Variants in GPM6A observed in about 807,000 individuals in gnomAD.
GPM6A encodes neuronal membrane glycoprotein M6-a.
A neutral mutation model predicts 32.1 loss-of-function variants in GPM6A; 7 were observed. That is an observed-to-expected ratio of 0.22 (90% CI 0.12 to 0.41). The LOEUF is 0.41. GPM6A is among the 10% of genes least tolerant of loss of function. The pLI, the probability that GPM6A is intolerant of heterozygous loss-of-function variation, is 1.00. For synonymous variants in GPM6A, 130 were observed against 123.4 expected, an observed-to-expected ratio of 1.05 and a Z score of -0.35; for missense variants, 235 against 347.2, an observed-to-expected ratio of 0.68 and a Z score of 2.57.
At chr4:175,782,377 AAG>A (rs1476189832) in intron 1 of GPM6A, among the ~76,000 whole-genome samples, 1 of 152,086 alleles carries the variant, frequency 6.6e-6, no homozygotes, top group Non-Finnish European at 1.5e-5. Flanking sequence ...TCCTACAAAA[AAG>A]TCACCCTTAT....
intron 1 of GPM6A, among the ~76,000 whole-genome samples, chr4:175,759,469 T>C (rs145531960): frequency 6.6e-6 from 1 of 152,352 alleles, no homozygotes; most frequent in East Asian, 1.9e-4. Flanking sequence ...ATTTTTGTTA[T>C]GAATTTCAAG....
chr4:175,815,406 A>G (rs1328813222), upstream of GPM6A, among the ~76,000 whole-genome samples: 1 of 152,168 alleles, frequency 6.6e-6, no homozygotes, highest in Non-Finnish European at 1.5e-5. Flanking sequence ...AGTATCTTAA[A>G]CTAGTTAGAA....
rs905595031 is a variant in GPM6A, at chr4:175,882,754, A to G, written c.-22-70505T>C. 2.6e-5 allele frequency among the ~76,000 whole-genome samples: 4 copies of G among 152,126 alleles called. No homozygotes were observed. In the East Asian group the frequency reaches 5.8e-4, roughly 22 times the overall value. ...CAGGTGGTAAGAAAATAAATCTTTCAAACAAAAATATTTTGATAAAAGGTG... is the reference window on the plus strand; with the variant it reads ...CAGGTGGTAAGAAAATAAATCTTTCGAACAAAAATATTTTGATAAAAGGTG... On this transcript the variant is annotated intron_variant, in intron 1 of 7. Coordinates refer to the GPM6A transcript ENST00000280187.
intron 1 of GPM6A, among the ~76,000 whole-genome samples, chr4:175,854,662 G>A (rs1356009853): frequency 6.6e-6 from 1 of 152,172 alleles, no homozygotes; most frequent in African/African-American, 2.4e-5. Context: ...AAAAACCCAG[G>A]CAGAGTGCTG....
At chr4:175,842,783 A>G (rs1255500803) in intron 1 of GPM6A, among the ~76,000 whole-genome samples, 1 of 152,054 alleles carries the variant, frequency 6.6e-6, no homozygotes. Context: ...GATGCTATAT[A>G]CCACAGTTAA....
At chr4:175,649,488 A>G (rs922181737) in intron 4 of GPM6A, among the ~76,000 whole-genome samples, 6 of 152,190 alleles carry the variant, frequency 3.9e-5, no homozygotes, top group Non-Finnish European at 7.3e-5. Context: ...GAGTCTCCCA[A>G]TGTTTTTTCA....
intron 1 of GPM6A, among the ~76,000 whole-genome samples, chr4:175,991,351 C>G (rs1741136614): frequency 6.6e-6 from 1 of 151,630 alleles, no homozygotes; most frequent in South Asian, 2.1e-4. Flanking sequence ...ACTTGGATTA[C>G]AGGCATAGCC....
At chr4:175,882,617 C>T in intron 1 of GPM6A, among the ~76,000 whole-genome samples, 1 of 151,858 alleles carries the variant, frequency 6.6e-6, no homozygotes. Context: ...TTTTACCTTA[C>T]TTTAGTTTTT....
At chr4:175,676,303 G>T (rs1053663060) in intron 2 of GPM6A, among the ~76,000 whole-genome samples, 4 of 152,130 alleles carry the variant, frequency 2.6e-5, no homozygotes, top group Non-Finnish European at 5.9e-5. Flanking sequence ...GCCTCCTACA[G>T]TGCTAGGATT....
At chr4:175,679,988 G>A (rs888992464) in intron 2 of GPM6A, among the ~76,000 whole-genome samples, 3 of 152,056 alleles carry the variant, frequency 2.0e-5, no homozygotes, top group Non-Finnish European at 4.4e-5. Flanking sequence ...AATGGTATTC[G>A]GGACCAAGAT....
intron 1 of GPM6A, among the ~76,000 whole-genome samples, chr4:175,861,499 C>A (rs955327400): frequency 1.3e-5 from 2 of 150,860 alleles, no homozygotes; most frequent in Non-Finnish European, 2.9e-5. Flanking sequence ...TGCTTGTAAT[C>A]CAAGCAATTT....
intron 4 of GPM6A, among the ~76,000 whole-genome samples, chr4:175,643,760 C>T (rs1741291536): frequency 6.6e-6 from 1 of 152,142 alleles, no homozygotes; most frequent in Non-Finnish European, 1.5e-5. Flanking sequence ...TGGTGATCGG[C>T]AGCTTCTTGA....
At chr4:175,659,630 A>G (rs1041976274) in intron 3 of GPM6A, among the ~76,000 whole-genome samples, 2 of 152,224 alleles carry the variant, frequency 1.3e-5, no homozygotes, top group African/African-American at 4.8e-5. Context: ...ATTGCAATAG[A>G]AAGGCAAGCA....
At chr4:175,782,782 TA>T (rs1315039464) in intron 1 of GPM6A, among the ~76,000 whole-genome samples, 3 of 152,052 alleles carry the variant, frequency 2.0e-5, no homozygotes, top group African/African-American at 4.8e-5. Flanking sequence ...ATGTCAAAAT[TA>T]AGTAGTGAAA....
At chr4:175,849,557 T>C (rs1736188519) in intron 1 of GPM6A, among the ~76,000 whole-genome samples, 1 of 152,208 alleles carries the variant, frequency 6.6e-6, no homozygotes, top group Non-Finnish European at 1.5e-5. Flanking sequence ...CAGCATAATC[T>C]AGACTGCCCA....
intron 1 of GPM6A, among the ~76,000 whole-genome samples, chr4:175,738,563 A>G (rs1373399229): frequency 6.6e-6 from 1 of 152,120 alleles, no homozygotes; most frequent in Non-Finnish European, 1.5e-5. Flanking sequence ...TGAGTTAGGT[A>G]GGGAGACCGA....
At chr4:175,739,625 T>A (rs960897937) in intron 1 of GPM6A, among the ~76,000 whole-genome samples, 13 of 152,140 alleles carry the variant, frequency 8.5e-5, no homozygotes, top group African/African-American at 4.8e-5. Flanking sequence ...GAGACTTTTT[T>A]AATTCCATTC....
intron 1 of GPM6A, among the ~76,000 whole-genome samples, chr4:175,936,500 A>G (rs1397244635): frequency 6.6e-6 from 1 of 152,056 alleles, no homozygotes; most frequent in African/African-American, 2.4e-5. Context: ...GGATTGCTCT[A>G]CATTGCATCT....
intron 1 of GPM6A, among the ~76,000 whole-genome samples, chr4:175,989,693 A>G (rs142394904): frequency 1.3e-5 from 2 of 152,306 alleles, no homozygotes; most frequent in East Asian, 1.9e-4. Context: ...GTTATAATCT[A>G]TAGTTAAATA....
Sources: allele counts gnomAD v4.1 joint callset (sites outside exome capture counted in the v4.1 genomes callset), GRCh38; gene constraint gnomAD v4.1.1; transcripts MANE v1.5; gene names NCBI Gene and HGNC (gene_info 2026-07-23, HGNC 2026-07-21).